Variants in NCKAP5 observed in about 807,000 individuals in gnomAD.
NCKAP5 encodes the protein nck-associated protein 5.
Under a neutral mutation model 167.0 loss-of-function variants are expected in NCKAP5, and 92 were observed. The observed-to-expected ratio is 0.55, with a 90% confidence interval of 0.47 to 0.66. The LOEUF is 0.66. Ranked by LOEUF, NCKAP5 falls within the 30% of genes least tolerant of loss-of-function variation. The pLI, the probability that NCKAP5 is intolerant of heterozygous loss-of-function variation, is 0.00. For synonymous variants in NCKAP5, 891 were observed against 877.4 expected, an observed-to-expected ratio of 1.02 and a Z score of -0.27; for missense variants, 2,378 against 2,315.0, an observed-to-expected ratio of 1.03 and a Z score of -0.56.
At chr2:133,156,405 C>T (rs1275756423) in intron 5 of NCKAP5, among the ~76,000 whole-genome samples, 3 of 152,172 alleles carry the variant, frequency 2.0e-5, no homozygotes. Flanking sequence ...ATTTCTGTAT[C>T]TCCAGACCCT....
chr2:133,158,470 C>T (rs1405694533), intron 5 of NCKAP5, among the ~76,000 whole-genome samples: 1 of 152,166 alleles, frequency 6.6e-6, no homozygotes, highest in African/African-American at 2.4e-5. Context: ...ATCCATTGTG[C>T]TGCATTCATT....
intron 3 of NCKAP5, among the ~76,000 whole-genome samples, chr2:133,492,759 G>A (rs1681585922): frequency 6.6e-6 from 1 of 152,122 alleles, no homozygotes. Flanking sequence ...AACTCTTGTT[G>A]ATCTAATATA....
chr2:133,064,103 G>A (rs1241464999), intron 6 of NCKAP5, among the ~76,000 whole-genome samples: 1 of 152,214 alleles, frequency 6.6e-6, no homozygotes. Flanking sequence ...AGGAAAAGGA[G>A]AAAGGAGAAA....
At chr2:133,383,801 T>G (rs1329816100) in intron 3 of NCKAP5, among the ~76,000 whole-genome samples, 1 of 152,238 alleles carries the variant, frequency 6.6e-6, no homozygotes, top group Non-Finnish European at 1.5e-5. Context: ...TGATTTGCAT[T>G]TCTCTGATGG....
intron 3 of NCKAP5, among the ~76,000 whole-genome samples, chr2:133,466,486 G>A (rs867036375): frequency 0.024 from 3,425 of 143,842 alleles, 131 homozygotes; most frequent in African/African-American, 0.082. Context: ...TTGACTTGGC[G>A]ATGCGGGCTC....
chr2:133,573,709 G>A, the NCKAP5 span, among the ~76,000 whole-genome samples: 44 of 152,304 alleles, frequency 2.9e-4, no homozygotes, highest in Admixed American at 1.7e-3. Flanking sequence ...AGTACATACT[G>A]TGAGATTGAC....
At chr2:132,833,454 T>C (rs181432207) in intron 11 of NCKAP5, among the ~76,000 whole-genome samples, 4 of 152,298 alleles carry the variant, frequency 2.6e-5, no homozygotes, top group African/African-American at 7.2e-5. Flanking sequence ...TAGATCAGTG[T>C]CCTGAAATGT....
chr2:133,249,998 TTTATTATTA>T (rs10685479), intron 4 of NCKAP5, among the ~76,000 whole-genome samples: 17 of 138,220 alleles, frequency 1.2e-4, no homozygotes, highest in East Asian at 6.4e-4. Context: ...CACCAAGGGT[TTTATTATTA>T]TTATTATTAT....
intron 1 of NCKAP5, among the ~76,000 whole-genome samples, chr2:133,565,906 C>G (rs1267512010): frequency 1.3e-5 from 2 of 152,154 alleles, no homozygotes; most frequent in Non-Finnish European, 2.9e-5. Context: ...AGTGCTGTAG[C>G]TATAAGAAGT....
At chr2:132,936,193 G>C (rs2149080644) in intron 8 of NCKAP5, among the ~76,000 whole-genome samples, 1 of 152,186 alleles carries the variant, frequency 6.6e-6, no homozygotes, top group South Asian at 2.1e-4. Flanking sequence ...TGTTGGCCAG[G>C]CTGGTCAGGA....
intron 11 of NCKAP5, among the ~76,000 whole-genome samples, chr2:132,853,408 G>A (rs1054382176): frequency 2.6e-5 from 4 of 152,132 alleles, no homozygotes; most frequent in Non-Finnish European, 5.9e-5. Flanking sequence ...GCCCCTTAAG[G>A]CATCTGATCT....
the NCKAP5 span, among the ~76,000 whole-genome samples, chr2:133,656,970 T>C: frequency 2.0e-5 from 3 of 151,998 alleles, no homozygotes; most frequent in Non-Finnish European, 2.9e-5. Context: ...ATCATTCTTA[T>C]GTGTTTGCAT....
At chr2:132,761,467 C>G (rs774742828) in intron 16 of NCKAP5, among the ~76,000 whole-genome samples, 1 of 152,214 alleles carries the variant, frequency 6.6e-6, no homozygotes. Flanking sequence ...TTCTCTTGCT[C>G]CTATGGATTC....
chr2:132,914,152 C>T (rs907619478), intron 8 of NCKAP5, among the ~76,000 whole-genome samples: 10 of 152,080 alleles, frequency 6.6e-5, no homozygotes, highest in African/African-American at 2.4e-4. Context: ...TTTCAAATAG[C>T]ACATCTATGT....
intron 3 of NCKAP5, among the ~76,000 whole-genome samples, chr2:133,448,897 C>A (rs895724837): frequency 5.3e-5 from 8 of 152,184 alleles, no homozygotes; most frequent in African/African-American, 9.7e-5. Context: ...ACCTTATATG[C>A]TTCTTAATCT....
intron 8 of NCKAP5, among the ~76,000 whole-genome samples, chr2:132,928,239 T>C (rs1392519897): frequency 1.3e-5 from 2 of 152,220 alleles, no homozygotes; most frequent in African/African-American, 4.8e-5. Context: ...AATTATCTTA[T>C]AAGGTTACAG....
chr2:133,500,182 AAC>A (rs1682373814), intron 3 of NCKAP5, among the ~76,000 whole-genome samples: 1 of 152,198 alleles, frequency 6.6e-6, no homozygotes, highest in Non-Finnish European at 1.5e-5. Context: ...TGTTTGGAAA[AAC>A]ACACTGAGGA....
At chr2:133,310,774 G>A (rs1681177348) in intron 3 of NCKAP5, among the ~76,000 whole-genome samples, 1 of 152,194 alleles carries the variant, frequency 6.6e-6, no homozygotes, top group South Asian at 2.1e-4. Flanking sequence ...GTGAAAGAGT[G>A]AATTAATTGT....
intron 7 of NCKAP5, among the ~76,000 whole-genome samples, chr2:132,973,723 T>C (rs570375835): frequency 1.3e-5 from 2 of 151,542 alleles, no homozygotes; most frequent in South Asian, 2.1e-4. Flanking sequence ...CCTCACCTTC[T>C]TGGAAAAAAA....
Sources: gnomAD v4.1 joint callset for allele counts (sites outside exome capture counted in the v4.1 genomes callset) on GRCh38, gnomAD v4.1.1 for gene constraint, MANE v1.5 for transcripts, NCBI Gene and HGNC (gene_info 2026-07-23, HGNC 2026-07-21) for gene names.